KCNJ6: variants seen among roughly 807,000 people sequenced by gnomAD.
KCNJ6 encodes potassium inwardly rectifying channel subfamily J member 6.
A neutral mutation model predicts 34.2 loss-of-function variants in KCNJ6; 9 were observed. That is an observed-to-expected ratio of 0.26 (90% CI 0.16 to 0.46). The LOEUF is 0.46. KCNJ6 is among the 20% of genes least tolerant of loss of function. KCNJ6 has a pLI of 1.00. For missense variants in KCNJ6, 236 were observed against 531.3 expected, an observed-to-expected ratio of 0.44 and a Z score of 5.46; for synonymous variants, 196 against 207.1, an observed-to-expected ratio of 0.95 and a Z score of 0.46.
intron 1 of KCNJ6, among the ~76,000 whole-genome samples, chr21:37,880,127 A>C (rs1253688749): frequency 6.6e-6 from 1 of 151,430 alleles, no homozygotes; most frequent in African/African-American, 2.4e-5. Context: ...GCCGAGTATG[A>C]TTGATAATTA....
chr21:37,871,150 A>G (rs1383871284), intron 1 of KCNJ6, among the ~76,000 whole-genome samples: 2 of 152,174 alleles, frequency 1.3e-5, no homozygotes, highest in South Asian at 2.1e-4. Flanking sequence ...GACAGTTTCA[A>G]GTGGATGAGA....
chr21:37,736,141 A>G (rs147855805), intron 2 of KCNJ6, among the ~76,000 whole-genome samples: 1 of 152,244 alleles, frequency 6.6e-6, no homozygotes, highest in East Asian at 1.9e-4. Flanking sequence ...CATCTCTGCC[A>G]TTTTGGTCCC....
intron 1 of KCNJ6, among the ~76,000 whole-genome samples, chr21:37,859,530 T>TATATAA (rs1245250949): frequency 4.4e-4 from 42 of 94,766 alleles, no homozygotes; most frequent in Non-Finnish European, 7.0e-4. Context: ...TATATATATA[T>TATATAA]AAAATACTTA....
chr21:37,705,020 G>A (rs990210289), intron 3 of KCNJ6, among the ~76,000 whole-genome samples: 19 of 152,086 alleles, frequency 1.2e-4, no homozygotes, highest in African/African-American at 3.9e-4. Context: ...CCTCTAGACT[G>A]CCCTTTCAAG....
intron 3 of KCNJ6, among the ~76,000 whole-genome samples, chr21:37,665,723 C>T (rs1008952729): frequency 7.9e-5 from 12 of 152,256 alleles, no homozygotes; most frequent in African/African-American, 2.9e-4. Flanking sequence ...ATTCATCCCT[C>T]CCTCAAGTAT....
rs201757181 is a variant in KCNJ6, at chr21:37,617,010, C to CTTTCTTTCTTTCTTTCTT, written c.*8148_*8149insAAGAAAGAAAGAAAGAAA. On this transcript the variant is annotated 3_prime_UTR_variant, in exon 4 of 4. Transcript: ENST00000609713. The stretch of plus-strand genomic sequence containing the variant: ...CTCTTTCTTTCTTTCTCTTTCTTTT[C>CTTTCTTTCTTTCTTTCTT]TCTTTCTTTCTTTCTTTCTTTCTTT... 8 of 68,058 alleles carry CTTTCTTTCTTTCTTTCTT rather than the reference C, an allele frequency of 1.2e-4. No individual in the cohort carries two copies. Among genetic ancestry groups the CTTTCTTTCTTTCTTTCTT allele is most frequent in the African/African-American group, 4.0e-4 (8 of 19,846 alleles). 4.2% of individuals were successfully genotyped at this position (68,058 alleles called of 1,614,324 possible). A position where few individuals can be genotyped will look rare whatever the true frequency, so the allele number is the denominator to read the frequency against.
chr21:37,782,999 G>A (rs541426384), intron 2 of KCNJ6, among the ~76,000 whole-genome samples: 4 of 152,152 alleles, frequency 2.6e-5, no homozygotes, highest in East Asian at 1.9e-4. Flanking sequence ...CCTGCCACCC[G>A]GCCCACCTCT....
At chr21:37,694,702 T>C (rs550727195) in intron 3 of KCNJ6, among the ~76,000 whole-genome samples, 2 of 152,304 alleles carry the variant, frequency 1.3e-5, no homozygotes, top group African/African-American at 2.4e-5. Flanking sequence ...ATGGACTGAA[T>C]TGTGCACCCC....
intron 2 of KCNJ6, among the ~76,000 whole-genome samples, chr21:37,773,722 G>C (rs1443481951): frequency 6.6e-6 from 1 of 152,090 alleles, no homozygotes. Context: ...CACCACACCT[G>C]CACCAGGGCT....
intron 2 of KCNJ6, among the ~76,000 whole-genome samples, chr21:37,809,855 G>C (rs964846602): frequency 6.6e-6 from 1 of 152,010 alleles, no homozygotes; most frequent in African/African-American, 2.4e-5. Context: ...TCATGGACAG[G>C]TCCCCCAGAG....
chr21:37,914,223 G>A (rs1028360366), intron 1 of KCNJ6, among the ~76,000 whole-genome samples: 4 of 152,044 alleles, frequency 2.6e-5, no homozygotes, highest in African/African-American at 7.2e-5. Context: ...GTAATTCCGT[G>A]GGTAATTTGA....
Position 37,613,249 on chromosome 21 carries a change from A to G in KCNJ6, c.*11910T>C, listed in dbSNP as rs1275778620. ...AAACAGCAATGAAACACCACCGTAC[A>G]TCTTTTAGAATGGCCCAAATGCAGA... On this transcript the variant is annotated 3_prime_UTR_variant, in exon 4 of 4. Coordinates refer to ENST00000609713, the MANE Select transcript of KCNJ6 (RefSeq NM_002240.5). 6.6e-6 allele frequency: 1 copy of G among 152,238 alleles called. No homozygotes were observed. Among genetic ancestry groups the G allele is most frequent in the Non-Finnish European group, 1.5e-5 (1 of 68,040 alleles). The allele number at this position is 152,238 out of a possible 1,614,324, so 9.4% of individuals were successfully genotyped here. A position where few individuals can be genotyped will look rare whatever the true frequency, so the allele number is the denominator to read the frequency against.
chr21:37,715,943 AAC>A (rs1211340753), intron 2 of KCNJ6, among the ~76,000 whole-genome samples: 8 of 152,208 alleles, frequency 5.3e-5, no homozygotes, highest in Non-Finnish European at 1.0e-4. Flanking sequence ...ACTGACTTAC[AAC>A]ACACTATCCA....
At chr21:37,660,448 C>A (rs1223585072) in intron 3 of KCNJ6, among the ~76,000 whole-genome samples, 1 of 152,168 alleles carries the variant, frequency 6.6e-6, no homozygotes, top group Non-Finnish European at 1.5e-5. Context: ...TCTGGCCCAG[C>A]TGTGAGGTTC....
At chr21:37,712,170 C>T (rs1296917182) in intron 3 of KCNJ6, among the ~76,000 whole-genome samples, 2 of 152,196 alleles carry the variant, frequency 1.3e-5, no homozygotes, top group Non-Finnish European at 2.9e-5. Flanking sequence ...CAATTTAAAG[C>T]TCAGACTAGC....
chr21:37,753,754 C>T lies in KCNJ6; in HGVS notation c.26-38623G>A, dbSNP rs528617449. ...TGTCACTAATGTTATGTTTTATAGGCGAGCCTTTGCTGAGTAAGAGACTAC... is the reference window on the plus strand; with the variant it reads ...TGTCACTAATGTTATGTTTTATAGGTGAGCCTTTGCTGAGTAAGAGACTAC... On this transcript the variant is annotated intron_variant, in intron 2 of 3. Transcript: ENST00000609713. 1.1e-3 allele frequency among the ~76,000 whole-genome samples: 160 copies of T among 152,268 alleles called. 2 individuals are homozygous for T. The highest frequency in any genetic ancestry group is 3.8e-3 in the African/African-American group (156 of 41,550).
intron 1 of KCNJ6, among the ~76,000 whole-genome samples, chr21:37,902,732 C>T (rs1289385544): frequency 6.6e-6 from 1 of 152,218 alleles, no homozygotes; most frequent in Non-Finnish European, 1.5e-5. Context: ...AGAAACCCCA[C>T]AGACAGTGCC....
At chr21:37,853,133 A>AT (rs1447698486) in intron 1 of KCNJ6, among the ~76,000 whole-genome samples, 1 of 149,502 alleles carries the variant, frequency 6.7e-6, no homozygotes, top group Non-Finnish European at 1.5e-5. Flanking sequence ...AATGGCTGCA[A>AT]TTTTTTCAAA....
chr21:37,667,997 A>G (rs942452663), intron 3 of KCNJ6, among the ~76,000 whole-genome samples: 5 of 152,078 alleles, frequency 3.3e-5, no homozygotes, highest in African/African-American at 1.2e-4. Context: ...TTACTCCACA[A>G]TTCTGATGTC....
Sources: gnomAD v4.1 joint callset for allele counts (sites outside exome capture counted in the v4.1 genomes callset) on GRCh38, gnomAD v4.1.1 for gene constraint, MANE v1.5 for transcripts, NCBI Gene and HGNC (gene_info 2026-07-23, HGNC 2026-07-21) for gene names.